The following ZGRF1 variants were observed in gnomAD, a reference collection of about 807,000 sequenced individuals.
The protein encoded by ZGRF1 is 5'-3' DNA helicase ZGRF1.
ZGRF1 carries 196 observed loss-of-function variants against 203.5 expected under a neutral mutation model. The observed-to-expected ratio is 0.96, with a 90% CI of 0.86 to 1.08. The LOEUF is 1.08. Ranked by LOEUF, ZGRF1 falls within the 50% of genes least tolerant of loss-of-function variation. ZGRF1 has a pLI of 0.00. For synonymous variants in ZGRF1, 809 were observed against 841.3 expected, an observed-to-expected ratio of 0.96 and a Z score of 0.66; for missense variants, 2,326 against 2,416.3, an observed-to-expected ratio of 0.96 and a Z score of 0.78.
intron 16 of ZGRF1, among the ~76,000 whole-genome samples, chr4:112,569,817 G>A (rs982088443): frequency 6.6e-6 from 1 of 151,796 alleles, no homozygotes; most frequent in Non-Finnish European, 1.5e-5. Context: ...AGGAACACCT[G>A]TAAAATATGA....
intron 8 of ZGRF1, among the ~76,000 whole-genome samples, chr4:112,607,201 T>G (rs1213401394): frequency 1.3e-5 from 2 of 152,314 alleles, no homozygotes; most frequent in East Asian, 3.9e-4. Context: ...CGTTGTTCAC[T>G]GAAGCCTTGA....
intron 18 of ZGRF1, 174 bp from the exon 19 acceptor site, chr4:112,561,169 A>G: frequency 1.7e-6 from 1 of 591,372 alleles, no homozygotes; most frequent in Non-Finnish European, 3.0e-6. Context: ...AATATCGAGG[A>G]GGGTAGAAGA....
In ZGRF1 at chr4:112,597,479, G is replaced by A. The variant is rs375958664; in HGVS notation, c.2976+6045C>T. 1.1e-4 allele frequency among the ~76,000 whole-genome samples: 16 copies of A among 150,200 alleles called. No homozygotes were observed. In the East Asian group the frequency reaches 1.4e-3, roughly 13 times the overall value. ...TTTGAGGCTACAGTGAGTTATAATT[G>A]TGCCACTGCACTCCAGCCTAAGGAA... On this transcript the variant is annotated intron_variant, in intron 10 of 27. Transcript: ENST00000505019.
At position 112,618,450 on chromosome 4, in the gene ZGRF1, G is replaced by T. The variant is rs748516080; in HGVS notation, c.1592C>A (p.Thr531Asn). ...GGTCTCAAAATTGTTCAGATTAAAA[G>T]TTACCTCCAAAAATGGTTGTGTTAC... ...SNVTQPFLEVTFNLNNFETSD... is the reference protein window; with the variant it reads ...SNVTQPFLEVNFNLNNFETSD... The change falls in exon 6 of 28, where the codon ACT (threonine) becomes AAT (asparagine). Residue 531 changes from threonine (T) to asparagine (N), a missense_variant. Transcript: ENST00000505019. 2 of 1,613,600 alleles carry T rather than the reference G, an allele frequency of 1.2e-6. No homozygotes were observed. The highest frequency in any genetic ancestry group is 1.7e-4 in the Middle Eastern group (1 of 6,060).
At chr4:112,588,741 A>G (rs1747658747) in intron 11 of ZGRF1, among the ~76,000 whole-genome samples, 1 of 152,154 alleles carries the variant, frequency 6.6e-6, no homozygotes. Context: ...TTCCTGACAG[A>G]GTTTCTATCT....
intron 22 of ZGRF1, among the ~76,000 whole-genome samples, chr4:112,551,298 G>A (rs990231508): frequency 3.3e-5 from 5 of 152,070 alleles, no homozygotes; most frequent in African/African-American, 7.2e-5. Flanking sequence ...ACACTATGAC[G>A]TTCACACAAT....
Position 112,623,847 on chromosome 4 carries a change from A to G in ZGRF1, c.132T>C (p.Cys44=). The change falls in exon 4 of 28, where the codon TGT becomes TGC. Residue 44 remains cysteine, a synonymous_variant. Coordinates refer to ENST00000505019, the MANE Select transcript of ZGRF1 (RefSeq NM_018392.5). ...KAILYDDKGA[C]LESLFLKCLE... ...GGCATTTAAGAAACAGACTCTCCAA[A>G]CATGCTCCTTTGTCATCATATAAAA... 1 of 1,586,450 alleles carries G rather than the reference A, an allele frequency of 6.3e-7. No homozygotes were observed. The highest frequency in any genetic ancestry group is 1.3e-5 in the African/African-American group (1 of 74,374).
rs746881805 is a variant in ZGRF1, at chr4:112,587,517, A to G, written c.3540T>C (p.His1180=). The part of the protein sequence containing the change: ...GFFAEAVSGM[H]FRDTSERQSD... ...TCTGTCTTTCACTTGTGTCTCTAAA[A>G]TGCATCCCAGAAACAGCCTCAGCAA... is the stretch of plus-strand genomic sequence containing the variant. Residue 1180 remains histidine, a synonymous_variant, in exon 12 of 28, where the codon CAT becomes CAC. Coordinates refer to ENST00000505019, the MANE Select transcript of ZGRF1 (RefSeq NM_018392.5). 2 of 1,613,806 alleles carry G rather than the reference A, an allele frequency of 1.2e-6. No homozygotes were observed. Among genetic ancestry groups the G allele is most frequent in the Non-Finnish European group, 1.7e-6 (2 of 1,179,858 alleles).
intron 16 of ZGRF1, among the ~76,000 whole-genome samples, chr4:112,571,102 C>CAAAA (rs11423362): frequency 8.2e-6 from 1 of 121,718 alleles, no homozygotes; most frequent in African/African-American, 3.0e-5. Context: ...GACTGCATTT[C>CAAAA]AAAAAAAAAA....
At chr4:112,604,928 T>TAA (rs1750544135) in intron 9 of ZGRF1, among the ~76,000 whole-genome samples, 1 of 152,202 alleles carries the variant, frequency 6.6e-6, no homozygotes, top group Non-Finnish European at 1.5e-5. Context: ...CAGTAATATA[T>TAA]AATTTGAATA....
chr4:112,575,308 G>A (rs1465857503), intron 16 of ZGRF1, among the ~76,000 whole-genome samples: 2 of 152,142 alleles, frequency 1.3e-5, no homozygotes, highest in African/African-American at 4.8e-5. Context: ...GAGCCAAGAT[G>A]GCCAAATAAG....
chr4:112,636,395 CT>C (rs1025239480), intron 1 of ZGRF1, among the ~76,000 whole-genome samples: 5 of 151,188 alleles, frequency 3.3e-5, no homozygotes, highest in Admixed American at 2.6e-4. Flanking sequence ...GATATTTTTC[CT>C]TTTTTTTTAA....
rs1560817894 is a variant in ZGRF1 at position 112,589,852 on chromosome 4, A to C, written c.2999T>G (p.Ile1000Ser). Residue 1000 changes from isoleucine (I) to serine (S), a missense_variant, in exon 11 of 28, where the codon ATC (isoleucine) becomes AGC (serine). Physicochemically the swap from Ile to Ser is moderately radical, Grantham distance 142 (BLOSUM62 -2). Transcript: ENST00000505019. ...GGTAGAAACAGGGCTCAATGTAGAG[A>C]TGTTTTCTTCTGGTGATGTCACCTA... ...FLQVTSPEEN[I>S]STLSPVSTFS... is the part of the protein sequence containing the mutation. 1.9e-6 allele frequency: 3 copies of C among 1,605,416 alleles called. No individual in the cohort carries two copies. The highest frequency in any genetic ancestry group is 2.5e-6 in the Non-Finnish European group (3 of 1,177,000).
chr4:112,616,326 C>T (rs542181939), intron 6 of ZGRF1, among the ~76,000 whole-genome samples: 5 of 150,338 alleles, frequency 3.3e-5, no homozygotes, highest in South Asian at 4.3e-4. Flanking sequence ...TCAAGACCAA[C>T]GTGGCCAACA....
intron 7 of ZGRF1, 34 bp from the exon 8 acceptor site, chr4:112,609,463 A>G: frequency 8.7e-7 from 1 of 1,151,370 alleles, no homozygotes; most frequent in Non-Finnish European, 1.3e-6. Context: ...AGATAAACTA[A>G]TAGGCAATAA....
chr4:112,629,993 T>C (rs550309781), intron 3 of ZGRF1: 10 of 245,318 alleles, frequency 4.1e-5, no homozygotes, highest in South Asian at 1.9e-4. Flanking sequence ...CACTCCAGCC[T>C]GGGCAACAGA....
At chr4:112,600,623 G>A (rs752607065) in intron 10 of ZGRF1, among the ~76,000 whole-genome samples, 4 of 151,952 alleles carry the variant, frequency 2.6e-5, no homozygotes, top group Admixed American at 1.3e-4. Flanking sequence ...CCCAGGAGGC[G>A]GAGTGTTGGG....
chr4:112,594,554 G>T (rs560479479), intron 10 of ZGRF1, among the ~76,000 whole-genome samples: 2 of 150,916 alleles, frequency 1.3e-5, no homozygotes, highest in Non-Finnish European at 2.9e-5. Flanking sequence ...CCAGGTTCAA[G>T]CGATTCTCCT....
chr4:112,563,187 TTGATAGA>T lies in ZGRF1; in HGVS notation c.4519_4525del (p.Ser1507MetfsTer3). ...TTTCAAAGGCAGTATTTCTATCTCA[TTGATAGA>T]TGATGGTCCAAAGAAAGCACTACAT... On this transcript the variant is annotated frameshift_variant, in exon 17 of 28. Transcript: ENST00000505019. LOFTEE classifies it high-confidence loss of function. 1 of 1,548,544 alleles carries T rather than the reference TTGATAGA, an allele frequency of 6.5e-7. No homozygotes were observed. The highest frequency in any genetic ancestry group is 1.2e-5 in the South Asian group (1 of 83,976).
Sources: gnomAD v4.1 joint callset for allele counts (sites outside exome capture counted in the v4.1 genomes callset) on GRCh38, gnomAD v4.1.1 for gene constraint, MANE v1.5 for transcripts, NCBI Gene and HGNC (gene_info 2026-07-23, HGNC 2026-07-21) for gene names.